Variants in CSF3R observed in about 807,000 individuals in gnomAD.
CSF3R encodes granulocyte colony-stimulating factor receptor.
Under a neutral mutation model 84.4 loss-of-function variants are expected in CSF3R, and 52 were observed. The ratio of observed to expected loss-of-function variants is 0.62; its 90% confidence interval spans 0.49 to 0.78. The LOEUF (loss-of-function observed/expected upper bound fraction) is 0.78. CSF3R is among the 30% of genes least tolerant of loss of function. The pLI is 0.00. For missense variants in CSF3R, 890 were observed against 1,055.7 expected, an observed-to-expected ratio of 0.84 and a Z score of 2.17; for synonymous variants, 384 against 429.1, an observed-to-expected ratio of 0.89 and a Z score of 1.30.
Position 36,471,724 on chromosome 1 carries a change from T to C in CSF3R, c.1072-78A>G, listed in dbSNP as rs1650752239. ...AAGGAGAGCCTCTAGGTGGGGTGGA[T>C]GGATCATACAAACGGAGCCTCCCCA... On this transcript the variant is annotated intron_variant, in intron 9 of 16. Coordinates refer to ENST00000373106, the MANE Select transcript of CSF3R (RefSeq NM_000760.4). The C allele has an allele frequency of 3.7e-5, 54 of 1,450,394 alleles. No homozygotes were observed. The South Asian group carries it at 5.9e-4, about 16-fold the overall frequency. The allele number at this position is 1,450,394 out of a possible 1,614,324, so 89.8% of individuals were successfully genotyped here.
chr1:36,473,154 A>G, intron 6 of CSF3R: 2 of 500,982 alleles, frequency 4.0e-6, no homozygotes, highest in Non-Finnish European at 3.6e-6. Context: ...TTGTATCCCC[A>G]GTACCTAGAG....
chr1:36,475,935 G>A (rs954773159), intron 3 of CSF3R: 2 of 441,594 alleles, frequency 4.5e-6, no homozygotes, highest in Admixed American at 4.2e-5. Context: ...GCCTTTCCGC[G>A]GTGTAAGTGC....
rs1186251774 is a variant in CSF3R, at chr1:36,479,468, G to A, written c.29C>T (p.Thr10Ile). The A allele has an allele frequency of 3.1e-6, 5 of 1,614,088 alleles. No homozygotes were observed. Among genetic ancestry groups the A allele is most frequent in the Non-Finnish European group, 4.2e-6 (5 of 1,180,034 alleles). The change falls in exon 3 of 17, where the codon ACT becomes ATT. Residue 10 changes from threonine (T) to isoleucine (I), a missense_variant. Coordinates refer to ENST00000373106, the MANE Select transcript of CSF3R (RefSeq NM_000760.4). ...CAGCAGGATGATCAGGGCAGCCCAAGTCAGGCTGCAGTTTCCCAGCCTTGC... is the reference window on the plus strand; with the variant it reads ...CAGCAGGATGATCAGGGCAGCCCAAATCAGGCTGCAGTTTCCCAGCCTTGC... MARLGNCSL[T>I]WAALIILLLP... is the part of the protein sequence containing the mutation.
rs1217235164 is a variant in CSF3R at position 36,467,968 on chromosome 1, A to C, written c.1724-6T>G. ...GGAGGCATTCAGGATGGCGGCTGGGAGGGGTGTACGGTCAGCATAGGCCTG... is the reference window on the plus strand; with the variant it reads ...GGAGGCATTCAGGATGGCGGCTGGGCGGGGTGTACGGTCAGCATAGGCCTG... On this transcript the variant is annotated splice_region_variant and splice_polypyrimidine_tract_variant and intron_variant, in intron 13 of 16. Coordinates refer to ENST00000373106, the MANE Select transcript of CSF3R (RefSeq NM_000760.4). The surrounding 1 kb of genome is among the most constrained non-coding windows in gnomAD (Gnocchi z 4.1). 8 of 1,614,118 alleles carry C rather than the reference A, an allele frequency of 5.0e-6. No homozygotes were observed. Among genetic ancestry groups the C allele is most frequent in the Non-Finnish European group, 6.8e-6 (8 of 1,180,028 alleles).
intron 9 of CSF3R, 128 bp from the exon 10 acceptor site, chr1:36,471,774 C>T (rs571613552): frequency 3.2e-6 from 3 of 925,546 alleles, no homozygotes; most frequent in African/African-American, 3.3e-5. Context: ...CTTCTCACCC[C>T]CCTCCCCTTT....
Position 36,475,568 on chromosome 1 carries a change from G to A in CSF3R, c.170C>T (p.Pro57Leu), listed in dbSNP as rs746657668. 6.2e-6 allele frequency: 10 copies of A among 1,613,324 alleles called. No individual in the cohort carries two copies. The highest frequency in any genetic ancestry group is 3.3e-5 in the Admixed American group (2 of 59,988). Reference sequence around the variant, plus strand: ...CAGTCTCCACAGAATCTGTGGCTCCGGGTCCAGATGGCTGCAGTTCTGCTT... The same window carrying A: ...CAGTCTCCACAGAATCTGTGGCTCCAGGTCCAGATGGCTGCAGTTCTGCTT... ...IIKQNCSHLD[P>L]EPQILWRLGA... The change falls in exon 4 of 17, where the codon CCG (proline) becomes CTG (leucine). Residue 57 changes from proline to leucine, a missense_variant. Coordinates refer to ENST00000373106, the MANE Select transcript of CSF3R (RefSeq NM_000760.4).
At position 36,467,065 on chromosome 1, in the gene CSF3R, A is replaced by G; in HGVS notation, c.2040+165T>C. 1 of 1,233,440 alleles carries G rather than the reference A, an allele frequency of 8.1e-7. No homozygotes were observed. Among genetic ancestry groups the G allele is most frequent in the Non-Finnish European group, 1.2e-6 (1 of 860,170 alleles). The allele number at this position is 1,233,440 out of a possible 1,614,324, so 76.4% of individuals were successfully genotyped here. A position where few individuals can be genotyped will look rare whatever the true frequency, so the allele number is the denominator to read the frequency against. On this transcript the variant is annotated intron_variant, in intron 16 of 16. Coordinates refer to ENST00000373106, the MANE Select transcript of CSF3R (RefSeq NM_000760.4). The surrounding 1 kb of genome is among the most constrained non-coding windows in gnomAD (Gnocchi z 4.1). ...TCACAGGGAGGTGACTGAGGCTTTG[A>G]GATGGACAGAGGTGGGATTCAAAGT...
At chr1:36,469,591 G>A (rs1316808293) in intron 11 of CSF3R, 61 bp downstream of exon 11, 2 of 1,591,986 alleles carry the variant, frequency 1.3e-6, no homozygotes, top group Non-Finnish European at 1.7e-6. Flanking sequence ...CATGCCTATT[G>A]TCAGATAAGC....
At chr1:36,470,998 G>A (rs1318105172) in intron 10 of CSF3R, among the ~76,000 whole-genome samples, 2 of 152,256 alleles carry the variant, frequency 1.3e-5, no homozygotes, top group Middle Eastern at 3.4e-3. Flanking sequence ...GGGATGGGAG[G>A]TAACTTACTC....
At chr1:36,470,746 C>T (rs1375276068) in intron 10 of CSF3R, among the ~76,000 whole-genome samples, 3 of 152,162 alleles carry the variant, frequency 2.0e-5, no homozygotes, top group African/African-American at 7.2e-5. Context: ...ACTCATAGAC[C>T]AGGTTCCAAG....
intron 4 of CSF3R, 61 bp downstream of exon 4, chr1:36,475,313 ATTC>A: frequency 8.1e-6 from 13 of 1,595,534 alleles, no homozygotes; most frequent in Non-Finnish European, 1.0e-5. Flanking sequence ...GGCTGGTAAT[ATTC>A]TTATTAGTAT....
At chr1:36,473,994 G>A in intron 4 of CSF3R, 107 bp from the exon 5 acceptor site, 3 of 1,523,948 alleles carry the variant, frequency 2.0e-6, no homozygotes, top group Non-Finnish European at 2.7e-6. Context: ...TTCCTCTGTT[G>A]TCACCTTGTC....
chr1:36,469,111 A>G (rs1650534676), intron 12 of CSF3R, 45 bp downstream of exon 12: 1 of 1,388,524 alleles, frequency 7.2e-7, no homozygotes, highest in South Asian at 1.2e-5. Context: ...GAGCCTTGGG[A>G]GAGAGAGGAG....
chr1:36,466,469 A>C lies in CSF3R; in HGVS notation c.2399T>G (p.Leu800Arg). ...CTCCTGGCTTGGGGCTGGGGTTACCAGGGTCCCCAAGGGGCTGGCCTGGAA... is the reference window on the plus strand; with the variant it reads ...CTCCTGGCTTGGGGCTGGGGTTACCCGGGTCCCCAAGGGGCTGGCCTGGAA... ...LWFQASPLGTLVTPAPSQEDD... is the reference protein window; with the variant it reads ...LWFQASPLGTRVTPAPSQEDD... The change falls in exon 17 of 17, where the codon CTG becomes CGG. Residue 800 changes from leucine to arginine, a missense_variant. Coordinates refer to ENST00000373106, the MANE Select transcript of CSF3R (RefSeq NM_000760.4). This position sits in a 1 kb window ranked among gnomAD's most constrained non-coding sequence, Gnocchi z 4.6. The C allele has an allele frequency of 6.2e-7, 1 of 1,611,492 alleles. No individual in the cohort carries two copies.
At position 36,473,747 on chromosome 1, in the gene CSF3R, T is replaced by G; in HGVS notation, c.485+17A>C. ...AGAATCCAAAGGGAGGGGACCAAGG[T>G]GGGGGCCCCTCCTCACTTGAAACTC... On this transcript the variant is annotated intron_variant, in intron 5 of 16. Transcript: ENST00000373106. 6.2e-7 allele frequency: 1 copy of G among 1,614,080 alleles called. No individual in the cohort carries two copies. Among genetic ancestry groups the G allele is most frequent in the African/African-American group, 1.3e-5 (1 of 75,024 alleles).
intron 12 of CSF3R, chr1:36,468,724 G>GTTTA (rs929822349): frequency 2.5e-4 from 56 of 228,080 alleles, no homozygotes; most frequent in East Asian, 7.2e-4. Flanking sequence ...TTGTTTGTTT[G>GTTTA]TTTATTTATT....
chr1:36,480,461 C>G (rs934771812), intron 2 of CSF3R, among the ~76,000 whole-genome samples: 1 of 152,192 alleles, frequency 6.6e-6, no homozygotes, highest in Non-Finnish European at 1.5e-5. Context: ...ATGGAGGGTG[C>G]CTTGGCTCCA....
Position 36,473,470 on chromosome 1 carries a change from A to G in CSF3R, c.638T>C (p.Met213Thr). The G allele has an allele frequency of 6.2e-7, 1 of 1,614,092 alleles. No individual in the cohort carries two copies. The part of the protein sequence containing the change: ...VQAENALGTS[M>T]SPQLCLDPMD... ...GGGATCAAGACACAGTTGTGGGGAC[A>G]TGCTGGTCCCCAGCGCATTCTCTGC... Residue 213 changes from methionine (M) to threonine (T), a missense_variant, in exon 6 of 17, where the codon ATG (methionine) becomes ACG (threonine). Transcript: ENST00000373106.
At position 36,467,417 on chromosome 1, in the gene CSF3R, GAGA is replaced by G; in HGVS notation, c.1959-109_1959-107del. The G allele has an allele frequency of 7.0e-7, 1 of 1,423,502 alleles. No individual in the cohort carries two copies. The allele number at this position is 1,423,502 out of a possible 1,614,324, so 88.2% of individuals were successfully genotyped here. On this transcript the variant is annotated intron_variant, in intron 15 of 16. Transcript: ENST00000373106. This position sits in a 1 kb window ranked among gnomAD's most constrained non-coding sequence, Gnocchi z 4.1. ...GAGGTGCAGCTGCCCTTAGTGCAGAGAGAAGAAGCTGGGGGCTGGGACTCTCAG... is the reference window on the plus strand; with the variant it reads ...GAGGTGCAGCTGCCCTTAGTGCAGAGAGAAGCTGGGGGCTGGGACTCTCAG...
Sources: gnomAD v4.1 joint callset for allele counts (sites outside exome capture counted in the v4.1 genomes callset) on GRCh38, gnomAD v4.1.1 for gene constraint, Gnocchi (gnomAD v3.1) non-coding constraint, MANE v1.5 for transcripts, NCBI Gene and HGNC (gene_info 2026-07-23, HGNC 2026-07-21) for gene names.